PER1: variants seen among roughly 807,000 people sequenced by gnomAD.
The protein encoded by PER1 is period circadian protein homolog 1.
In PER1, 87 loss-of-function variants were observed where a neutral mutation model predicts 125.9. The ratio of observed to expected loss-of-function variants is 0.69; its 90% CI spans 0.58 to 0.83. PER1 has a LOEUF of 0.83. PER1 is among the 40% of genes least tolerant of loss of function. The probability of loss-of-function intolerance (pLI) is 0.00; values close to 1 mark genes in which losing one functional copy is unlikely to be tolerated. For synonymous variants in PER1, 801 were observed against 714.7 expected (o/e 1.12, Z -1.93); for missense variants, 1,775 against 1,722.8 (o/e 1.03, Z -0.54).
chr17:8,146,863 CTG>C, intron 14 of PER1, 32 bp downstream of exon 14: 1 of 1,609,844 alleles, frequency 6.2e-7, no homozygotes, highest in Non-Finnish European at 8.5e-7. Context: ...CCCCCCAGGT[CTG>C]TCTCTTCACC....
intron 17 of PER1, 79 bp from the exon 18 acceptor site, chr17:8,145,072 A>C: frequency 3.7e-6 from 5 of 1,341,530 alleles, no homozygotes; most frequent in Non-Finnish European, 4.8e-6. Context: ...TCCCTGTCTG[A>C]TAGCCTAGCC....
chr17:8,143,960 G>A, intron 18 of PER1, 84 bp from the exon 19 acceptor site: 8 of 1,508,266 alleles, frequency 5.3e-6, no homozygotes, highest in Non-Finnish European at 7.1e-6. Context: ...ACGCTGACCA[G>A]GGAGAGGACA....
rs1202876388 is a variant in PER1 at position 8,150,452 on chromosome 17, C to T, written c.255G>A (p.Glu85=). 1.2e-6 allele frequency: 2 copies of T among 1,612,826 alleles called. No homozygotes were observed. Among genetic ancestry groups the T allele is most frequent in the Non-Finnish European group, 1.7e-6 (2 of 1,179,294 alleles). The change falls in exon 2 of 23, where the codon GAG becomes GAA. Residue 85 remains glutamate (E), a synonymous_variant. Transcript: ENST00000317276. ...CACACCTCTTGCTGCTCTCAGTGGT[C>T]TCCAGCAGGGCTGAGTCCTTGCCGT... The part of the protein sequence containing the change: ...SGNGKDSALL[E]TTESSKSTNS...
At position 8,143,488 on chromosome 17, in the gene PER1, G is replaced by T. The variant is rs372100058; in HGVS notation, c.2850C>A (p.Ala950=). 2 of 1,587,636 alleles carry T rather than the reference G, an allele frequency of 1.3e-6. No individual in the cohort carries two copies. The highest frequency in any genetic ancestry group is 1.7e-6 in the Non-Finnish European group (2 of 1,165,018). ...QTPAEGPPTP[A]SHSPSPSLPA... ...GCAAGGATGGAGAAGGGGAGTGCGA[G>T]GCAGGAGTGGGAGGCCCTTCAGCAG... The change falls in exon 19 of 23, where the codon GCC becomes GCA. Residue 950 remains alanine, a synonymous_variant. Coordinates refer to ENST00000317276, the MANE Select transcript of PER1 (RefSeq NM_002616.3).
intron 21 of PER1, 136 bp from the exon 22 acceptor site, chr17:8,142,091 G>T: frequency 1.6e-6 from 2 of 1,278,334 alleles, no homozygotes; most frequent in Non-Finnish European, 2.2e-6. Context: ...CGAGGTCAAG[G>T]CTTCCAAGAC....
chr17:8,147,791 G>A lies in PER1; in HGVS notation c.1271C>T (p.Pro424Leu). 1.2e-6 allele frequency: 2 copies of A among 1,614,038 alleles called. No individual in the cohort carries two copies. The highest frequency in any genetic ancestry group is 1.7e-6 in the Non-Finnish European group (2 of 1,180,010). Residue 424 changes from proline to leucine, a missense_variant, in exon 11 of 23, where the codon CCT becomes CTT. By Grantham distance (98) the Pro-to-Leu change is moderately conservative (BLOSUM62 -3). Coordinates refer to ENST00000317276, the MANE Select transcript of PER1 (RefSeq NM_002616.3). Reference protein sequence around the residue: ...QLAGQPFDHSPIRFCARNGEY... With the variant: ...QLAGQPFDHSLIRFCARNGEY... ...CCCGTTGCGGGCACAGAAGCGGATA[G>A]GGGAGTGGTCAAAGGGCTGGCCCGC...
rs756685422 is a variant in PER1 at position 8,146,704 on chromosome 17, C to T, written c.1797G>A (p.Ala599=). The change falls in exon 15 of 23, where the codon GCG becomes GCA. Residue 599 remains alanine (A), a synonymous_variant. Transcript: ENST00000317276. The part of the protein sequence containing the change: ...PCQSPDPELE[A]GSAPVQAPLA... ...GTGGGGCCTGGACGGGAGCAGAACC[C>T]GCCTCCAGCTCTGGGTCTGGGGATT... 4.4e-5 allele frequency: 71 copies of T among 1,613,690 alleles called. No individual in the cohort carries two copies. The highest frequency in any genetic ancestry group is 5.7e-5 in the Non-Finnish European group (67 of 1,179,972).
At position 8,147,398 on chromosome 17, in the gene PER1, G is replaced by A. The variant is rs1043301425; in HGVS notation, c.1498-17C>T. On this transcript the variant is annotated splice_polypyrimidine_tract_variant and intron_variant, in intron 12 of 22. Transcript: ENST00000317276. Reference sequence around the variant, plus strand: ...GTGGACGGGCTGCAGCAGGGAGAGGGCAGGTTAGATGGCTTGACCCGGCTT... The same window carrying A: ...GTGGACGGGCTGCAGCAGGGAGAGGACAGGTTAGATGGCTTGACCCGGCTT... The A allele has an allele frequency of 2.5e-6, 4 of 1,613,530 alleles. No homozygotes were observed. Among genetic ancestry groups the A allele is most frequent in the Admixed American group, 3.3e-5 (2 of 59,982 alleles).
intron 8 of PER1, 52 bp downstream of exon 8, chr17:8,148,592 G>C: frequency 1.3e-6 from 2 of 1,549,088 alleles, no homozygotes; most frequent in Admixed American, 2.2e-5. Context: ...CTGGCCATGA[G>C]GAAATGTCCT....
Position 8,143,330 on chromosome 17 carries a change from C to A in PER1, c.3008G>T (p.Gly1003Val). 1 of 1,605,816 alleles carries A rather than the reference C, an allele frequency of 6.2e-7. No homozygotes were observed. Among genetic ancestry groups the A allele is most frequent in the Non-Finnish European group, 8.5e-7 (1 of 1,175,726 alleles). ...TGGGGGCCCGGCACTGCTCCCAGGG[C>A]CTCCTGCAACAGCAGCCCCCTCAGC... The part of the protein sequence containing the change: ...PRAEGAAVAG[G>V]PGSSAGPPPP... The change falls in exon 19 of 23, where the codon GGC (glycine) becomes GTC (valine). Residue 1003 changes from glycine (G) to valine (V), a missense_variant. Coordinates refer to ENST00000317276, the MANE Select transcript of PER1 (RefSeq NM_002616.3).
Position 8,140,669 on chromosome 17 carries a change from C to T in PER1, c.*399G>A, listed in dbSNP as rs117098829. On this transcript the variant is annotated 3_prime_UTR_variant, in exon 23 of 23. Transcript: ENST00000317276. ...CCCCGGGTCCTGCTTGGGCCTCAGG[C>T]TCTCCTCCCATCTGGGGAGGAGGTG... The T allele has an allele frequency of 2.1e-3, 536 of 250,746 alleles. 1 individual carries two copies. Among genetic ancestry groups the T allele is most frequent in the Non-Finnish European group, 3.2e-3 (403 of 127,112 alleles). The allele number at this position is 250,746 out of a possible 1,614,324, so 15.5% of individuals were successfully genotyped here. A position where few individuals can be genotyped will look rare whatever the true frequency, so the allele number is the denominator to read the frequency against.
intron 18 of PER1, chr17:8,144,295 G>T (rs1262258069): frequency 1.2e-5 from 5 of 406,726 alleles, no homozygotes; most frequent in African/African-American, 1.0e-4. Flanking sequence ...TGAAGAGTGG[G>T]GCTGGAAAGC....
rs765648016 is a variant in PER1, at chr17:8,146,961, C to G, written c.1671G>C (p.Lys557Asn). ...QQICKDVHLV[K>N]HQGQQLFIES... Reference sequence around the variant, plus strand: ...CAATAAAAAGCTGCTGGCCCTGGTGCTTCACCAGATGCACATCCTTACAGA... The same window carrying G: ...CAATAAAAAGCTGCTGGCCCTGGTGGTTCACCAGATGCACATCCTTACAGA... Residue 557 changes from lysine to asparagine, a missense_variant, in exon 14 of 23, where the codon AAG (lysine) becomes AAC (asparagine). By Grantham distance (94) the Lys-to-Asn change is moderately conservative. Coordinates refer to ENST00000317276, the MANE Select transcript of PER1 (RefSeq NM_002616.3). The G allele has an allele frequency of 6.2e-7, 1 of 1,614,070 alleles. No individual in the cohort carries two copies. The highest frequency in any genetic ancestry group is 1.1e-5 in the South Asian group (1 of 91,080).
chr17:8,141,123 T>A lies in PER1; in HGVS notation c.3818A>T (p.Glu1273Val), dbSNP rs771973647. The A allele has an allele frequency of 4.3e-6, 7 of 1,613,852 alleles. No individual in the cohort carries two copies. Among genetic ancestry groups the A allele is most frequent in the Non-Finnish European group, 5.9e-6 (7 of 1,179,984 alleles). The part of the protein sequence containing the change: ...SQDLAMEEEE[E>V]GRSSSSPALP... The stretch of plus-strand genomic sequence containing the variant: ...GGCTGGACTGGATGAGCTCCTGCCT[T>A]CTTCCTCCTCCTCCATAGCCAAGTC... The change falls in exon 23 of 23, where the codon GAA (glutamate) becomes GTA (valine). Residue 1273 changes from glutamate to valine, a missense_variant. By Grantham distance (121) the Glu-to-Val change is moderately radical (BLOSUM62 -2). Transcript: ENST00000317276.
Position 8,140,877 on chromosome 17 carries a change from T to A in PER1, c.*191A>T. ...TCCTCTGGGCTGGGCTGCGGAGTTC[T>A]GCTCTCTGCTCCCTAAGAGGCCAGA... is the stretch of plus-strand genomic sequence containing the variant. On this transcript the variant is annotated 3_prime_UTR_variant, in exon 23 of 23. Transcript: ENST00000317276. 3.2e-6 allele frequency: 2 copies of A among 619,252 alleles called. No homozygotes were observed. The highest frequency in any genetic ancestry group is 4.2e-5 in the South Asian group (2 of 47,790). The allele number at this position is 619,252 out of a possible 1,614,324, so 38.4% of individuals were successfully genotyped here.
At chr17:8,149,715 T>C (rs553314579) in intron 5 of PER1, 40 bp downstream of exon 5, 3 of 1,611,760 alleles carry the variant, frequency 1.9e-6, no homozygotes, top group African/African-American at 1.3e-5. Flanking sequence ...GGAGAAGGAG[T>C]AGGGGTGCGT....
chr17:8,142,421 G>C lies in PER1; in HGVS notation c.3297C>G (p.Gly1099=). 6.2e-7 allele frequency: 1 copy of C among 1,602,974 alleles called. No individual in the cohort carries two copies. Among genetic ancestry groups the C allele is most frequent in the Non-Finnish European group, 8.5e-7 (1 of 1,175,120 alleles). ...SQSSHTSKYF[G]SIDSSEAEAG... Reference sequence around the variant, plus strand: ...CCTCAGCCTCGGAAGAGTCGATGCTGCCAAAGTATTTGCTTGTGTGGCTGC... The same window carrying C: ...CCTCAGCCTCGGAAGAGTCGATGCTCCCAAAGTATTTGCTTGTGTGGCTGC... Residue 1099 remains glycine, a synonymous_variant, in exon 21 of 23, where the codon GGC becomes GGG. Transcript: ENST00000317276.
At position 8,146,422 on chromosome 17, in the gene PER1, G is replaced by C. The variant is rs746646444; in HGVS notation, c.1988C>G (p.Ser663Cys). Residue 663 changes from serine (S) to cysteine (C), a missense_variant, in exon 16 of 23, where the codon TCT (serine) becomes TGT (cysteine). Ser to Cys is a moderately radical substitution (Grantham distance 112). Transcript: ENST00000317276. The part of the protein sequence containing the change: ...SSSSYTTSSA[S>C]DDDRQRTGPV... ...ACCTGTCCTCTGCCTGTCGTCGTCA[G>C]AGGCTGAGGAGGTGGTATAGGAGGA... is the stretch of plus-strand genomic sequence containing the variant. 7.0e-5 allele frequency: 113 copies of C among 1,613,650 alleles called. No individual in the cohort carries two copies. Among genetic ancestry groups the C allele is most frequent in the Admixed American group, 4.2e-4 (25 of 59,954 alleles).
chr17:8,142,001 C>G (rs780166157), intron 21 of PER1, 46 bp from the exon 22 acceptor site: 4 of 1,608,730 alleles, frequency 2.5e-6, no homozygotes, highest in African/African-American at 2.7e-5. Flanking sequence ...ATCCAGGACC[C>G]GGACCAGGAC....
Sources: gnomAD v4.1 joint callset for allele counts on GRCh38, gnomAD v4.1.1 for gene constraint, MANE v1.5 for transcripts, NCBI Gene and HGNC (gene_info 2026-07-23, HGNC 2026-07-21) for gene names.